The following FANCC variants were observed in gnomAD, a reference collection of about 807,000 sequenced individuals.
FANCC encodes Fanconi anemia group C protein.
FANCC carries 55 observed loss-of-function variants against 71.3 expected under a neutral mutation model. That is an observed-to-expected ratio of 0.77 (90% CI 0.62 to 0.97). FANCC has a LOEUF of 0.97. Among genes scored for constraint, FANCC ranks in the 50% least tolerant of loss-of-function variants. The probability of loss-of-function intolerance (pLI) is 0.00; values close to 1 mark genes in which losing one functional copy is unlikely to be tolerated. For synonymous variants in FANCC, 275 were observed against 244.9 expected (o/e 1.12, Z -1.15); for missense variants, 678 against 670.9 (o/e 1.01, Z -0.12).
At chr9:95,198,795 T>A (rs949879958) in intron 4 of FANCC, among the ~76,000 whole-genome samples, 3 of 152,182 alleles carry the variant, frequency 2.0e-5, no homozygotes, top group African/African-American at 7.2e-5. Flanking sequence ...TGGAGTGCAG[T>A]GGCGCCATTA....
At chr9:95,236,164 TTTTC>T (rs1466493545) in intron 4 of FANCC, among the ~76,000 whole-genome samples, 11 of 152,352 alleles carry the variant, frequency 7.2e-5, no homozygotes, top group South Asian at 2.1e-4. Flanking sequence ...TTTTGTCTTT[TTTTC>T]TTTCTATCAG....
At chr9:95,232,926 T>C (rs1406639188) in intron 4 of FANCC, among the ~76,000 whole-genome samples, 1 of 152,202 alleles carries the variant, frequency 6.6e-6, no homozygotes, top group African/African-American at 2.4e-5. Context: ...CACTTCCCAA[T>C]CTTGCAAACA....
At chr9:95,251,717 TATA>T (rs1286710133) in intron 1 of FANCC, among the ~76,000 whole-genome samples, 2 of 152,214 alleles carry the variant, frequency 1.3e-5, no homozygotes, top group Non-Finnish European at 2.9e-5. Flanking sequence ...ATTTTATAAA[TATA>T]ATAATAGTTT....
rs1272065347 is a variant in FANCC, at chr9:95,244,713, AC to A, written c.250+2718del. 4.3e-3 allele frequency among the ~76,000 whole-genome samples: 569 copies of A among 133,674 alleles called. 3 individuals are homozygous for A. Among genetic ancestry groups the A allele is most frequent in the South Asian group, 0.032 (124 of 3,908 alleles). 87.7% of individuals were successfully genotyped at this position (133,674 alleles called of 152,430 possible). A position where few individuals can be genotyped will look rare whatever the true frequency, so the allele number is the denominator to read the frequency against. On this transcript the variant is annotated intron_variant, in intron 3 of 14. Transcript: ENST00000289081. Reference sequence around the variant, plus strand: ...AAAAAAAAAAAAAAAAAAAAAAAAAACCCAACACTTGGTAAATACCTGCTGA... The same window carrying A: ...AAAAAAAAAAAAAAAAAAAAAAAAAACCAACACTTGGTAAATACCTGCTGA...
chr9:95,138,066 G>C (rs1333592852), intron 7 of FANCC, among the ~76,000 whole-genome samples: 1 of 152,264 alleles, frequency 6.6e-6, no homozygotes, highest in Non-Finnish European at 1.5e-5. Context: ...AAAAGCAGTG[G>C]CTGGAATGAT....
chr9:95,165,270 A>G (rs543720017), intron 6 of FANCC, among the ~76,000 whole-genome samples: 2 of 150,902 alleles, frequency 1.3e-5, no homozygotes, highest in South Asian at 4.2e-4. Context: ...TCTAATCTTT[A>G]TTAGTCTCTC....
At chr9:95,251,844 C>G (rs1007106466) in intron 1 of FANCC, among the ~76,000 whole-genome samples, 1 of 152,176 alleles carries the variant, frequency 6.6e-6, no homozygotes. Flanking sequence ...CTCCATTTTA[C>G]AGAGGCACCA....
intron 1 of FANCC, among the ~76,000 whole-genome samples, chr9:95,281,096 CCTTGAAA>C (rs1436846658): frequency 6.6e-6 from 1 of 151,824 alleles, no homozygotes; most frequent in African/African-American, 2.4e-5. Flanking sequence ...CAAGGGGGAA[CCTTGAAA>C]AAGAGAAAGT....
chr9:95,245,718 G>A (rs1830925331), intron 3 of FANCC, among the ~76,000 whole-genome samples: 1 of 151,756 alleles, frequency 6.6e-6, no homozygotes, highest in African/African-American at 2.4e-5. Flanking sequence ...CCAACATGGT[G>A]AAACCCCATC....
intron 4 of FANCC, among the ~76,000 whole-genome samples, chr9:95,175,086 G>C (rs1825930050): frequency 6.6e-6 from 1 of 152,052 alleles, no homozygotes; most frequent in African/African-American, 2.4e-5. Context: ...CTGAATCTGG[G>C]ATGCATCCTT....
chr9:95,195,760 T>C (rs1181375040), intron 4 of FANCC, among the ~76,000 whole-genome samples: 2 of 152,238 alleles, frequency 1.3e-5, no homozygotes, highest in African/African-American at 4.8e-5. Context: ...TATCTCTCCA[T>C]TTATTTCAGT....
intron 4 of FANCC, among the ~76,000 whole-genome samples, chr9:95,202,623 G>A (rs1219289588): frequency 6.6e-6 from 1 of 152,246 alleles, no homozygotes; most frequent in Non-Finnish European, 1.5e-5. Context: ...CTTCTGTGGG[G>A]CAGTTAGCCC....
intron 1 of FANCC, among the ~76,000 whole-genome samples, chr9:95,288,056 T>C (rs1293737784): frequency 6.6e-6 from 1 of 152,220 alleles, no homozygotes; most frequent in African/African-American, 2.4e-5. Flanking sequence ...AACAGATTCA[T>C]GATCCCAGTT....
At chr9:95,302,827 T>C (rs747724870) in intron 1 of FANCC, among the ~76,000 whole-genome samples, 78 of 152,360 alleles carry the variant, frequency 5.1e-4, no homozygotes, top group Middle Eastern at 6.8e-3. Context: ...AGGGCCATAC[T>C]GCAGAAGCAT....
intron 4 of FANCC, among the ~76,000 whole-genome samples, chr9:95,219,114 C>T (rs1395194726): frequency 6.6e-6 from 1 of 152,102 alleles, no homozygotes. Flanking sequence ...GATGGGAATG[C>T]TGGGACACTT....
chr9:95,275,271 A>C (rs1299984419), intron 1 of FANCC, among the ~76,000 whole-genome samples: 6 of 152,078 alleles, frequency 3.9e-5, no homozygotes, highest in Non-Finnish European at 7.4e-5. Flanking sequence ...ATAACAGAGC[A>C]AGAACCTATC....
At chr9:95,250,210 AGAG>A (rs1268357858) in intron 1 of FANCC, among the ~76,000 whole-genome samples, 2 of 152,172 alleles carry the variant, frequency 1.3e-5, no homozygotes, top group Non-Finnish European at 1.5e-5. Context: ...CAGGAATCGC[AGAG>A]GAGGGAAGGC....
chr9:95,292,133 G>C (rs927367495), intron 1 of FANCC, among the ~76,000 whole-genome samples: 3 of 149,652 alleles, frequency 2.0e-5, no homozygotes, highest in Non-Finnish European at 4.5e-5. Flanking sequence ...CAGACAAATG[G>C]AACAGAAAAG....
At chr9:95,149,172 AC>A (rs1277971794) in intron 7 of FANCC, among the ~76,000 whole-genome samples, 7 of 152,162 alleles carry the variant, frequency 4.6e-5, no homozygotes, top group African/African-American at 1.7e-4. Flanking sequence ...AGTAACAAAC[AC>A]ATTTTTAAAA....
Sources: gnomAD v4.1 joint callset for allele counts (sites outside exome capture counted in the v4.1 genomes callset) on GRCh38, gnomAD v4.1.1 for gene constraint, MANE v1.5 for transcripts, NCBI Gene and HGNC (gene_info 2026-07-23, HGNC 2026-07-21) for gene names.